GPC6: variants seen among roughly 807,000 people sequenced by gnomAD.
GPC6 encodes the protein glypican 6, also known as glypican-6.
A neutral mutation model predicts 55.2 loss-of-function variants in GPC6; 14 were observed. The ratio of observed to expected loss-of-function variants is 0.25; its 90% confidence interval spans 0.17 to 0.40. GPC6 has a LOEUF of 0.40. Among genes scored for constraint, GPC6 ranks in the 10% least tolerant of loss-of-function variants. GPC6 has a pLI of 1.00. For synonymous variants in GPC6, 278 were observed against 259.6 expected (o/e 1.07, Z -0.68); for missense variants, 641 against 708.5 (o/e 0.90, Z 1.08).
chr13:94,323,394 G>A (rs1876942734), intron 6 of GPC6, among the ~76,000 whole-genome samples: 1 of 152,176 alleles, frequency 6.6e-6, no homozygotes, highest in Admixed American at 6.5e-5. Flanking sequence ...GCCATTGTCT[G>A]TACTCAGCCT....
At chr13:94,328,147 T>A (rs185206343) in intron 6 of GPC6, among the ~76,000 whole-genome samples, 89 of 152,280 alleles carry the variant, frequency 5.8e-4, no homozygotes, top group African/African-American at 2.0e-3. Flanking sequence ...GAGAAACTTA[T>A]TAAAATACTG....
chr13:94,112,244 G>A (rs564228390), intron 4 of GPC6, among the ~76,000 whole-genome samples: 17 of 151,944 alleles, frequency 1.1e-4, no homozygotes, highest in Non-Finnish European at 2.4e-4. Flanking sequence ...TACTCAAAAT[G>A]TATTTGAGAT....
chr13:93,333,651 C>T (rs1232404837), intron 1 of GPC6, among the ~76,000 whole-genome samples: 1 of 151,606 alleles, frequency 6.6e-6, no homozygotes, highest in Non-Finnish European at 1.5e-5. Flanking sequence ...CCCACCTCAG[C>T]CTCCCAAGTA....
chr13:93,285,435 A>G (rs1354482049), intron 1 of GPC6, among the ~76,000 whole-genome samples: 4 of 152,192 alleles, frequency 2.6e-5, no homozygotes, highest in African/African-American at 9.7e-5. Flanking sequence ...TTCGTAAGCC[A>G]AGCAATGATG....
At chr13:93,428,257 T>C (rs1044659419) in intron 1 of GPC6, among the ~76,000 whole-genome samples, 5 of 152,160 alleles carry the variant, frequency 3.3e-5, no homozygotes, top group Non-Finnish European at 1.5e-5. Flanking sequence ...TCAGTGAGAC[T>C]TTACGAACTA....
chr13:93,820,019 T>C lies in GPC6; in HGVS notation c.320-10135T>C, dbSNP rs185737128. On this transcript the variant is annotated intron_variant, in intron 2 of 8. Coordinates refer to ENST00000377047, the MANE Select transcript of GPC6 (RefSeq NM_005708.5). Reference sequence around the variant, plus strand: ...CATAGTGCTGCTTTTCAGGAAACTTTCATTTTTGCAACTGAATTACACACT... The same window carrying C: ...CATAGTGCTGCTTTTCAGGAAACTTCCATTTTTGCAACTGAATTACACACT... Among the ~76,000 whole-genome samples the C allele has an allele frequency of 4.6e-5, 7 of 152,290 alleles. No individual in the cohort carries two copies. The East Asian group carries it at 1.3e-3, about 29-fold the overall frequency.
intron 4 of GPC6, among the ~76,000 whole-genome samples, chr13:94,030,750 A>G (rs1336744617): frequency 6.6e-6 from 1 of 152,134 alleles, no homozygotes; most frequent in Non-Finnish European, 1.5e-5. Context: ...TGTACATCTT[A>G]TAGATGTTTT....
intron 1 of GPC6, among the ~76,000 whole-genome samples, chr13:93,485,195 T>C (rs1879657422): frequency 6.6e-6 from 1 of 152,100 alleles, no homozygotes; most frequent in South Asian, 2.1e-4. Flanking sequence ...AATGAATTTA[T>C]GAGAAGGAAG....
chr13:93,965,621 A>G (rs74109167), intron 3 of GPC6, among the ~76,000 whole-genome samples: 2,325 of 152,190 alleles, frequency 0.015, 73 homozygotes, highest in East Asian at 0.12. Flanking sequence ...TTGGTCACCA[A>G]GAGGTAAACT....
chr13:94,078,943 G>GA (rs1211381398), intron 4 of GPC6, among the ~76,000 whole-genome samples: 4 of 150,634 alleles, frequency 2.7e-5, no homozygotes, highest in African/African-American at 7.3e-5. Flanking sequence ...AACACTACAA[G>GA]AAAAAAAAAT....
At chr13:94,368,719 C>T (rs16949768) in intron 6 of GPC6, among the ~76,000 whole-genome samples, 6,652 of 152,138 alleles carry the variant, frequency 0.044, 472 homozygotes, top group African/African-American at 0.15. Context: ...GCATGTGTTT[C>T]CCGAGGGAGT....
rs374200896 is a variant in GPC6, at chr13:94,277,986, G to A, written c.878-8363G>A. ...AATTTTGTGAAGAATGTCAATGGCA[G>A]TTTGATGGGAATAGCAGTGAATCTA... On this transcript the variant is annotated intron_variant, in intron 4 of 8. Coordinates refer to ENST00000377047, the MANE Select transcript of GPC6 (RefSeq NM_005708.5). 1.1e-4 allele frequency among the ~76,000 whole-genome samples: 17 copies of A among 152,256 alleles called. No individual in the cohort carries two copies. In the East Asian group the frequency reaches 2.9e-3, roughly 26 times the overall value.
intron 4 of GPC6, among the ~76,000 whole-genome samples, chr13:94,180,993 A>G (rs1357636058): frequency 6.6e-6 from 1 of 152,200 alleles, no homozygotes; most frequent in Non-Finnish European, 1.5e-5. Flanking sequence ...GCTAAAGCAC[A>G]AATTGCTGGA....
chr13:94,007,165 G>A (rs986761335), intron 3 of GPC6, among the ~76,000 whole-genome samples: 3 of 152,192 alleles, frequency 2.0e-5, no homozygotes, highest in Admixed American at 6.5e-5. Flanking sequence ...CATCTGACAC[G>A]AGTGGTTACA....
chr13:94,028,735 G>A (rs1883001463), intron 4 of GPC6, among the ~76,000 whole-genome samples: 1 of 152,152 alleles, frequency 6.6e-6, no homozygotes, highest in South Asian at 2.1e-4. Context: ...AGGGAGGTGG[G>A]GAGAATGGAG....
chr13:93,631,889 A>G (rs1224448912), intron 2 of GPC6, among the ~76,000 whole-genome samples: 1 of 152,158 alleles, frequency 6.6e-6, no homozygotes, highest in Non-Finnish European at 1.5e-5. Flanking sequence ...TCAATTTAGT[A>G]TGTGCCTTCT....
intron 1 of GPC6, among the ~76,000 whole-genome samples, chr13:93,472,628 G>T (rs1879160665): frequency 6.6e-6 from 1 of 152,202 alleles, no homozygotes; most frequent in African/African-American, 2.4e-5. Context: ...TCACAGGCCT[G>T]GTCTGGCATG....
intron 1 of GPC6, among the ~76,000 whole-genome samples, chr13:93,322,946 C>G (rs1203699618): frequency 2.0e-5 from 3 of 152,010 alleles, no homozygotes; most frequent in Non-Finnish European, 2.9e-5. Context: ...CCTAGCCCCC[C>G]ACACCCCCTT....
intron 6 of GPC6, among the ~76,000 whole-genome samples, chr13:94,378,691 T>C (rs758204847): frequency 2.6e-5 from 4 of 152,218 alleles, no homozygotes; most frequent in Admixed American, 6.5e-5. Flanking sequence ...TGGATCAGTT[T>C]CCAGAGACAT....
Sources: allele counts gnomAD v4.1 joint callset (sites outside exome capture counted in the v4.1 genomes callset), GRCh38; gene constraint gnomAD v4.1.1; transcripts MANE v1.5; gene names NCBI Gene and HGNC (gene_info 2026-07-23, HGNC 2026-07-21).